Variants in ZNG1F observed in about 807,000 individuals in gnomAD.
The protein encoded by ZNG1F is zinc-regulated GTPase metalloprotein activator 1F.
chr9:41,183,556 T>G, the ZNG1F span: 1 of 1,587,540 alleles, frequency 6.3e-7, no homozygotes, highest in East Asian at 2.3e-5. Context: ...AGTAAACACA[T>G]TCCTCACTTC....
chr9:41,159,237 TCTACAA>T, the ZNG1F span, among the ~76,000 whole-genome samples: 1 of 149,428 alleles, frequency 6.7e-6, no homozygotes, highest in African/African-American at 2.5e-5. Flanking sequence ...GTATCCAGTA[TCTACAA>T]TGCAAACTGT....
chr9:41,196,800 A>C, the ZNG1F span, among the ~76,000 whole-genome samples: 2 of 64,382 alleles, frequency 3.1e-5, no homozygotes, highest in African/African-American at 7.2e-5. Context: ...AACTATAAAA[A>C]ATTCAAACAG....
At chr9:41,178,855 C>T in the ZNG1F span, among the ~76,000 whole-genome samples, 159 of 122,476 alleles carry the variant, frequency 1.3e-3, 14 homozygotes, top group African/African-American at 4.4e-3. Context: ...CATGAGCCAC[C>T]GAGCCCGGCC....
the ZNG1F span, among the ~76,000 whole-genome samples, chr9:41,150,286 A>T: frequency 1.3e-5 from 2 of 150,310 alleles, no homozygotes; most frequent in Non-Finnish European, 3.0e-5. Context: ...ACCGCGCACC[A>T]GGAGATTGTG....
chr9:41,155,314 C>T, the ZNG1F span, among the ~76,000 whole-genome samples: 1 of 150,246 alleles, frequency 6.7e-6, no homozygotes, highest in Non-Finnish European at 1.5e-5. Context: ...GATACTATCT[C>T]ACACCAGTTA....
chr9:41,165,142 G>T, the ZNG1F span: 16 of 1,421,726 alleles, frequency 1.1e-5, 2 homozygotes, highest in South Asian at 1.2e-4. Flanking sequence ...ATACACGCAT[G>T]CAGATTAATA....
At chr9:41,204,981 A>G in the ZNG1F span, among the ~76,000 whole-genome samples, 2 of 150,526 alleles carry the variant, frequency 1.3e-5, no homozygotes, top group Non-Finnish European at 3.0e-5. Context: ...AGTTGCTTAA[A>G]TCTCCTTTTC....
At chr9:41,201,834 AC>A in the ZNG1F span, among the ~76,000 whole-genome samples, 2 of 149,750 alleles carry the variant, frequency 1.3e-5, no homozygotes, top group African/African-American at 2.5e-5. Context: ...CAGAACCTAT[AC>A]TATAAGATGG....
the ZNG1F span, among the ~76,000 whole-genome samples, chr9:41,183,197 G>A: frequency 8.1e-6 from 1 of 123,528 alleles, no homozygotes; most frequent in South Asian, 2.4e-4. Context: ...CATAATGTAA[G>A]GTTTTTCTTT....
At chr9:41,180,192 A>T in the ZNG1F span, among the ~76,000 whole-genome samples, 3 of 77,342 alleles carry the variant, frequency 3.9e-5, no homozygotes, top group African/African-American at 1.7e-4. Context: ...TTTTTTTTTT[A>T]AGAAATGGGG....
chr9:41,157,641 ATT>A, the ZNG1F span: 2 of 141,640 alleles, frequency 1.4e-5, no homozygotes, highest in Non-Finnish European at 3.1e-5. Context: ...CAGATTCAAG[ATT>A]TTTTTTTCTT....
chr9:41,148,023 ATCT>A, the ZNG1F span, among the ~76,000 whole-genome samples: 4 of 145,016 alleles, frequency 2.8e-5, no homozygotes, highest in East Asian at 8.4e-4. Context: ...CAGCCAATCT[ATCT>A]CCCTAGTAAA....
At chr9:41,147,619 GCT>G in the ZNG1F span, among the ~76,000 whole-genome samples, 11 of 73,122 alleles carry the variant, frequency 1.5e-4, no homozygotes, top group African/African-American at 5.5e-4. Flanking sequence ...GCTATAGGGA[GCT>G]GACATCGCAC....
the ZNG1F span, among the ~76,000 whole-genome samples, chr9:41,196,711 C>T: frequency 3.8e-4 from 32 of 84,312 alleles, 1 homozygote; most frequent in African/African-American, 1.0e-3. Flanking sequence ...TATATACACA[C>T]ACATATATAT....
the ZNG1F span, chr9:41,174,269 A>C: frequency 6.5e-7 from 1 of 1,537,908 alleles, no homozygotes. Context: ...AAGAAAGATA[A>C]AAGAAAACTG....
the ZNG1F span, among the ~76,000 whole-genome samples, chr9:41,139,787 T>C: frequency 2.0e-5 from 3 of 151,330 alleles, no homozygotes; most frequent in Non-Finnish European, 4.4e-5. Context: ...TTATGTATCC[T>C]TAAAAAAAAT....
At chr9:41,158,939 C>CA in the ZNG1F span, 1 of 137,876 alleles carries the variant, frequency 7.3e-6, no homozygotes, top group Non-Finnish European at 1.6e-5. Flanking sequence ...ATGAAGTAAA[C>CA]AAAAAAGGGA....
the ZNG1F span, chr9:41,145,608 T>C: frequency 5.3e-6 from 1 of 189,134 alleles, no homozygotes. Context: ...TTTTGTATGG[T>C]TAAATATGTC....
the ZNG1F span, among the ~76,000 whole-genome samples, chr9:41,160,419 T>C: frequency 3.6e-5 from 1 of 28,044 alleles, no homozygotes; most frequent in Non-Finnish European, 1.1e-4. Context: ...GGGTTTTTTG[T>C]TTGTTTGTTT....
Sources: allele counts gnomAD v4.1 joint callset (sites outside exome capture counted in the v4.1 genomes callset), GRCh38; gene constraint gnomAD v4.1.1; transcripts MANE v1.5; gene names NCBI Gene and HGNC (gene_info 2026-07-23, HGNC 2026-07-21).